UNC13C: variants seen among roughly 807,000 people sequenced by gnomAD.
The protein encoded by UNC13C is unc-13 homolog C.
In UNC13C, 174 loss-of-function variants were observed where a neutral mutation model predicts 245.4. The observed-to-expected ratio is 0.71, with a 90% confidence interval of 0.63 to 0.80. The LOEUF is 0.80. UNC13C is among the 30% of genes least tolerant of loss of function. UNC13C has a pLI of 0.00. For synonymous variants in UNC13C, 992 were observed against 895.1 expected (o/e 1.11, Z -1.93); for missense variants, 2,829 against 2,602.9 (o/e 1.09, Z -1.89).
At chr15:54,378,736 C>G (rs893457209) in intron 17 of UNC13C, among the ~76,000 whole-genome samples, 1 of 151,650 alleles carries the variant, frequency 6.6e-6, no homozygotes, top group Non-Finnish European at 1.5e-5. Context: ...AGTTTCTGAT[C>G]CTATGTTCAG....
chr15:54,486,442 G>GA (rs530405388), intron 19 of UNC13C, among the ~76,000 whole-genome samples: 100 of 84,698 alleles, frequency 1.2e-3, no homozygotes, highest in Middle Eastern at 7.1e-3. Context: ...CCATCTCAAA[G>GA]AAAAAAAAAA....
intron 30 of UNC13C, among the ~76,000 whole-genome samples, chr15:54,588,807 G>A (rs145684662): frequency 5.9e-5 from 9 of 152,234 alleles, no homozygotes; most frequent in East Asian, 5.8e-4. Context: ...CATTGCAAAC[G>A]CTGTTAATTC....
chr15:53,980,144 C>CCTT (rs1329947526), intron 1 of UNC13C, among the ~76,000 whole-genome samples: 1 of 152,070 alleles, frequency 6.6e-6, no homozygotes. Context: ...GTCATTTATG[C>CCTT]ATACTGTAAA....
chr15:54,500,661 C>T (rs763294864), intron 21 of UNC13C, among the ~76,000 whole-genome samples, 174 bp from the exon 22 acceptor site: 1 of 152,102 alleles, frequency 6.6e-6, no homozygotes, highest in Non-Finnish European at 1.5e-5. Context: ...GATATTAGTT[C>T]CACCACACTT....
chr15:54,596,684 G>A (rs1899100862), intron 30 of UNC13C, among the ~76,000 whole-genome samples: 1 of 152,194 alleles, frequency 6.6e-6, no homozygotes, highest in Non-Finnish European at 1.5e-5. Context: ...AGGTGTTTGG[G>A]TTATGGGGGC....
At chr15:53,856,942 C>T in the UNC13C span, among the ~76,000 whole-genome samples, 1 of 152,068 alleles carries the variant, frequency 6.6e-6, no homozygotes, top group African/African-American at 2.4e-5. Context: ...TAAAAACTTG[C>T]TTTATAAATC....
chr15:53,975,526 A>G (rs962764537), upstream of UNC13C, among the ~76,000 whole-genome samples: 18 of 152,204 alleles, frequency 1.2e-4, no homozygotes, highest in Admixed American at 8.5e-4. Context: ...AACACTGAAA[A>G]CACAATTCCA....
chr15:54,410,238 C>T (rs544214831), intron 18 of UNC13C, among the ~76,000 whole-genome samples: 12 of 151,938 alleles, frequency 7.9e-5, no homozygotes, highest in Admixed American at 1.3e-4. Flanking sequence ...TGTTTTTGCA[C>T]GTTGACTTAA....
At chr15:53,933,539 C>T in the UNC13C span, among the ~76,000 whole-genome samples, 1,362 of 152,270 alleles carry the variant, frequency 8.9e-3, 8 homozygotes, top group Non-Finnish European at 0.011. Flanking sequence ...AGCCTCTGAA[C>T]GACTGGATAC....
chr15:54,586,860 T>A (rs919760946), intron 30 of UNC13C, among the ~76,000 whole-genome samples: 2 of 152,162 alleles, frequency 1.3e-5, no homozygotes, highest in African/African-American at 4.8e-5. Context: ...TTCCTGATAA[T>A]TTGGAAAGGA....
intron 19 of UNC13C, among the ~76,000 whole-genome samples, chr15:54,436,233 T>G (rs899549823): frequency 1.3e-5 from 2 of 151,970 alleles, no homozygotes; most frequent in Admixed American, 6.6e-5. Context: ...TAAAATATTA[T>G]GAGCATAATC....
At chr15:54,476,230 T>G (rs1478056046) in intron 19 of UNC13C, among the ~76,000 whole-genome samples, 3 of 139,634 alleles carry the variant, frequency 2.1e-5, no homozygotes, top group East Asian at 4.6e-4. Flanking sequence ...ATGAGTAGGT[T>G]GCGAAAATTT....
intron 24 of UNC13C, among the ~76,000 whole-genome samples, chr15:54,513,615 C>T (rs1164057152): frequency 1.3e-5 from 2 of 152,114 alleles, no homozygotes; most frequent in South Asian, 2.1e-4. Context: ...CATAGAACTC[C>T]TCCTCTTATT....
rs566387780 is a variant in UNC13C, at chr15:54,049,328, C to T, written c.2983+33442C>T. On this transcript the variant is annotated intron_variant, in intron 2 of 32. Transcript: ENST00000260323. ...AAGGGCCCTTCATATGAATATAAAT[C>T]GATACTACTAACATCTACAAGAAGA... 23 of 514,600 alleles carry T rather than the reference C, an allele frequency of 4.5e-5. 1 individual carries two copies. The highest frequency in any genetic ancestry group is 2.4e-4 in the Admixed American group (10 of 42,254). 31.9% of individuals were successfully genotyped at this position (514,600 alleles called of 1,614,324 possible).
chr15:54,355,617 C>T (rs2039078096), intron 17 of UNC13C, among the ~76,000 whole-genome samples: 3 of 152,136 alleles, frequency 2.0e-5, no homozygotes, highest in Non-Finnish European at 4.4e-5. Context: ...TTCGGCCTCC[C>T]AAAGTGCTGG....
intron 4 of UNC13C, among the ~76,000 whole-genome samples, chr15:54,210,155 C>T (rs2034834726): frequency 1.3e-5 from 2 of 149,580 alleles, no homozygotes; most frequent in African/African-American, 4.9e-5. Flanking sequence ...GTTGTTGTTC[C>T]AGAAATGAAA....
chr15:53,959,456 A>G, the UNC13C span, among the ~76,000 whole-genome samples: 4 of 151,954 alleles, frequency 2.6e-5, no homozygotes, highest in African/African-American at 9.7e-5. Context: ...AGCATTTCTT[A>G]TGGTTTCTTT....
At chr15:53,886,403 C>A in the UNC13C span, among the ~76,000 whole-genome samples, 20 of 152,088 alleles carry the variant, frequency 1.3e-4, no homozygotes, top group Non-Finnish European at 2.8e-4. Context: ...ACAAAAAGAG[C>A]TTTCAATGGC....
At chr15:53,971,671 T>G in the UNC13C span, among the ~76,000 whole-genome samples, 1 of 152,186 alleles carries the variant, frequency 6.6e-6, no homozygotes, top group Non-Finnish European at 1.5e-5. Context: ...AAAGTATACT[T>G]TCTTTTAAGA....
Sources: gnomAD v4.1 joint callset for allele counts (sites outside exome capture counted in the v4.1 genomes callset) on GRCh38, gnomAD v4.1.1 for gene constraint, MANE v1.5 for transcripts, NCBI Gene and HGNC (gene_info 2026-07-23, HGNC 2026-07-21) for gene names.